The following DNAI2 variants were observed in gnomAD, a reference collection of about 807,000 sequenced individuals.
DNAI2 encodes the protein dynein axonemal intermediate chain 2.
DNAI2 carries 63 observed loss-of-function variants against 74.7 expected under a neutral mutation model. The observed-to-expected ratio is 0.84, with a 90% CI of 0.69 to 1.04. The LOEUF is 1.04. Among genes scored for constraint, DNAI2 ranks in the 50% least tolerant of loss-of-function variants. The pLI is 0.00. For missense variants in DNAI2, 688 were observed against 803.2 expected, an observed-to-expected ratio of 0.86 and a Z score of 1.73; for synonymous variants, 289 against 314.9, an observed-to-expected ratio of 0.92 and a Z score of 0.87.
chr17:74,296,858 G>A (rs1040384830), intron 6 of DNAI2, among the ~76,000 whole-genome samples: 18 of 152,132 alleles, frequency 1.2e-4, no homozygotes, highest in African/African-American at 1.2e-4. Flanking sequence ...CAGAGTGTGC[G>A]ATCTTAACTA....
At chr17:74,286,301 A>AATAATAATG (rs2143913780) in intron 3 of DNAI2, among the ~76,000 whole-genome samples, 2 of 67,220 alleles carry the variant, frequency 3.0e-5, no homozygotes, top group South Asian at 8.2e-4. Context: ...GTCTCAAAAT[A>AATAATAATG]ATAATAATAA....
At chr17:74,277,094 G>C (rs974962334) in intron 1 of DNAI2, among the ~76,000 whole-genome samples, 6 of 152,182 alleles carry the variant, frequency 3.9e-5, no homozygotes, top group African/African-American at 1.4e-4. Context: ...ACAAGAAAGA[G>C]AAGAAAACAA....
At position 74,314,712 on chromosome 17, in the gene DNAI2, C is replaced by G. The variant is rs1443059119; in HGVS notation, c.*179C>G. 1 of 202,478 alleles carries G rather than the reference C, an allele frequency of 4.9e-6. No individual in the cohort carries two copies. The allele number at this position is 202,478 out of a possible 1,614,324, so 12.5% of individuals were successfully genotyped here. A position where few individuals can be genotyped will look rare whatever the true frequency, so the allele number is the denominator to read the frequency against. ...ACAAATCAGGAACAGAAAGTCTGTC[C>G]ACTTTGAAAATACCTTTCCAGGCAG... On this transcript the variant is annotated 3_prime_UTR_variant, in exon 14 of 14. Transcript: ENST00000311014.
chr17:74,299,264 G>C (rs2052619815), intron 6 of DNAI2, among the ~76,000 whole-genome samples: 1 of 152,182 alleles, frequency 6.6e-6, no homozygotes, highest in Non-Finnish European at 1.5e-5. Flanking sequence ...GGCTAATGTA[G>C]CAGAGAGATT....
At chr17:74,304,186 C>CTTTTTCTTTTTTCT (rs2053040468) in intron 8 of DNAI2, among the ~76,000 whole-genome samples, 2 of 67,650 alleles carry the variant, frequency 3.0e-5, no homozygotes, top group African/African-American at 1.2e-4. Flanking sequence ...TTTCTTTTTT[C>CTTTTTCTTTTTTCT]TTTTTTTTTT....
chr17:74,301,309 C>A, intron 8 of DNAI2, 141 bp downstream of exon 8: 6 of 1,252,230 alleles, frequency 4.8e-6, no homozygotes, highest in Middle Eastern at 2.6e-4. Flanking sequence ...CCATCCTAGA[C>A]GTGTGTGGCC....
intron 2 of DNAI2, 58 bp downstream of exon 2, chr17:74,282,058 C>G: frequency 1.9e-6 from 3 of 1,597,984 alleles, no homozygotes; most frequent in Non-Finnish European, 2.6e-6. Context: ...GGGCGGCCAG[C>G]TGGGGCCGGT....
At chr17:74,275,431 G>A (rs1233027233) in intron 1 of DNAI2, among the ~76,000 whole-genome samples, 2 of 152,102 alleles carry the variant, frequency 1.3e-5, no homozygotes, top group Admixed American at 6.6e-5. Flanking sequence ...AAGGACATAA[G>A]AAAGAGAAAG....
chr17:74,276,844 A>AAGT (rs2143836177), intron 1 of DNAI2, among the ~76,000 whole-genome samples: 1 of 152,306 alleles, frequency 6.6e-6, no homozygotes, highest in South Asian at 2.1e-4. Flanking sequence ...TTTCTTTTAA[A>AAGT]AGTCAGAGAC....
chr17:74,293,664 A>G (rs1223421969), intron 6 of DNAI2, among the ~76,000 whole-genome samples: 1 of 151,900 alleles, frequency 6.6e-6, no homozygotes, highest in Non-Finnish European at 1.5e-5. Context: ...AGATCATGCC[A>G]CTGAACTCCA....
intron 11 of DNAI2, 100 bp downstream of exon 11, chr17:74,310,263 C>G (rs2053443805): frequency 1.4e-6 from 2 of 1,479,874 alleles, no homozygotes; most frequent in Non-Finnish European, 1.8e-6. Flanking sequence ...CGCCCTCCCA[C>G]CCCCAGAACA....
intron 8 of DNAI2, 43 bp from the exon 9 acceptor site, chr17:74,305,176 A>G (rs1471499398): frequency 3.1e-6 from 5 of 1,603,570 alleles, no homozygotes; most frequent in Non-Finnish European, 4.3e-6. Context: ...CCCAGAATTG[A>G]TGGTTCGTGG....
intron 1 of DNAI2, 26 bp from the exon 2 acceptor site, chr17:74,281,774 TCCCTCAC>T (rs1567839806): frequency 6.3e-7 from 1 of 1,599,544 alleles, no homozygotes; most frequent in Non-Finnish European, 8.5e-7. Flanking sequence ...GCCGGTGGGG[TCCCTCAC>T]CCCACACCCT....
At chr17:74,280,562 C>A (rs1054033037) in intron 1 of DNAI2, among the ~76,000 whole-genome samples, 3 of 152,138 alleles carry the variant, frequency 2.0e-5, no homozygotes, top group African/African-American at 7.2e-5. Flanking sequence ...GAAGAGATTT[C>A]CAGGATGGTA....
In DNAI2 at chr17:74,314,081, C is replaced by A. The variant is rs375487523; in HGVS notation, c.1723-40C>A. On this transcript the variant is annotated intron_variant, in intron 12 of 13. Coordinates refer to ENST00000311014, the MANE Select transcript of DNAI2 (RefSeq NM_023036.6). Reference sequence around the variant, plus strand: ...CCAGGGGAGTGGGGAAGGCCTGTCCCCTACCAACACCAACACTTCTGTGCT... The same window carrying A: ...CCAGGGGAGTGGGGAAGGCCTGTCCACTACCAACACCAACACTTCTGTGCT... 8 of 1,613,422 alleles carry A rather than the reference C, an allele frequency of 5.0e-6. No homozygotes were observed. The African/African-American group carries it at 8.0e-5, about 16-fold the overall frequency.
In DNAI2 at chr17:74,306,518, C is replaced by T. The variant is rs188917476; in HGVS notation, c.1211+1076C>T. ...TTTCCTGCCCACAGAACCACAGACT[C>T]CTGCAACGTCAAAGCCACCAGCAAC... is the stretch of plus-strand genomic sequence containing the variant. On this transcript the variant is annotated intron_variant, in intron 9 of 13. Coordinates refer to ENST00000311014, the MANE Select transcript of DNAI2 (RefSeq NM_023036.6). 7.9e-5 allele frequency among the ~76,000 whole-genome samples: 12 copies of T among 152,330 alleles called. No individual in the cohort carries two copies. The East Asian group carries it at 2.1e-3, about 27-fold the overall frequency.
In DNAI2 at chr17:74,291,056, C is replaced by T. The variant is rs145675543; in HGVS notation, c.647C>T (p.Ser216Leu). 3.7e-5 allele frequency: 60 copies of T among 1,614,076 alleles called. No individual in the cohort carries two copies. The highest frequency in any genetic ancestry group is 1.6e-4 in the Middle Eastern group (1 of 6,084). ...PNKPELALKP[S>L]SPLVTLEFNP... is the part of the protein sequence containing the mutation. ...AAGCCTGAACTTGCTCTGAAGCCAT[C>T]GTCTCCACTCGTGACGTTGGAGTTC... Residue 216 changes from serine (S) to leucine (L), a missense_variant, in exon 6 of 14, where the codon TCG (serine) becomes TTG (leucine). Ser to Leu is a moderately radical substitution (Grantham distance 145). Transcript: ENST00000311014.
chr17:74,287,160 C>T, intron 4 of DNAI2, 62 bp downstream of exon 4: 2 of 1,600,600 alleles, frequency 1.2e-6, no homozygotes, highest in Non-Finnish European at 1.7e-6. Context: ...TGGGCGCCTC[C>T]AAAGGCAACT....
intron 1 of DNAI2, 170 bp from the exon 2 acceptor site, chr17:74,281,637 T>A (rs1371002170): frequency 8.1e-6 from 5 of 618,548 alleles, no homozygotes; most frequent in African/African-American, 1.8e-5. Context: ...GCACTCAGGA[T>A]TTTTTTTTAA....
Sources: gnomAD v4.1 joint callset for allele counts (sites outside exome capture counted in the v4.1 genomes callset) on GRCh38, gnomAD v4.1.1 for gene constraint, MANE v1.5 for transcripts, NCBI Gene and HGNC (gene_info 2026-07-23, HGNC 2026-07-21) for gene names.